The following PTPRD variants were observed in gnomAD, a reference collection of about 807,000 sequenced individuals.
PTPRD encodes protein tyrosine phosphatase receptor type D, also known as receptor-type tyrosine-protein phosphatase delta.
In PTPRD, 34 loss-of-function variants were observed where a neutral mutation model predicts 214.5. The ratio of observed to expected loss-of-function variants is 0.16; its 90% CI spans 0.12 to 0.21. The LOEUF is 0.21. Among genes scored for constraint, PTPRD ranks in the 10% least tolerant of loss-of-function variants. The pLI is 1.00. For synonymous variants in PTPRD, 1,128 were observed against 845.7 expected (o/e 1.33, Z -5.79); for missense variants, 2,545 against 2,398.7 (o/e 1.06, Z -1.27).
intron 11 of PTPRD, among the ~76,000 whole-genome samples, chr9:8,926,627 C>T (rs779367199): frequency 6.6e-6 from 1 of 152,136 alleles, no homozygotes; most frequent in Non-Finnish European, 1.5e-5. Flanking sequence ...ATGGAAAATT[C>T]CCTGATTCTT....
At chr9:9,362,482 G>A (rs1424606020) in intron 9 of PTPRD, among the ~76,000 whole-genome samples, 2 of 151,138 alleles carry the variant, frequency 1.3e-5, no homozygotes, top group Admixed American at 1.3e-4. Context: ...AAATGTATGA[G>A]AGCAAGAATG....
chr9:9,183,026 C>T (rs2099929154), intron 10 of PTPRD, among the ~76,000 whole-genome samples: 1 of 151,872 alleles, frequency 6.6e-6, no homozygotes, highest in Admixed American at 6.6e-5. Context: ...TGTTAGATTT[C>T]CCCCCACGTT....
At position 9,704,880 on chromosome 9, in the gene PTPRD, C is replaced by T. The variant is rs117801877; in HGVS notation, c.-287+29653G>A. ...AACCATCAAGAGATATCTGTTGATG[C>T]CACATGAAACAAAATAATCACTCAA... On this transcript the variant is annotated intron_variant, in intron 7 of 45. Coordinates refer to ENST00000381196, the MANE Select transcript of PTPRD (RefSeq NM_002839.4). Among the ~76,000 whole-genome samples, 947 of 152,248 alleles carry T rather than the reference C, an allele frequency of 6.2e-3. 9 individuals carry two copies. Among genetic ancestry groups the T allele is most frequent in the Non-Finnish European group, 0.011 (733 of 68,018 alleles).
At chr9:8,798,347 A>T (rs9299075) in intron 11 of PTPRD, among the ~76,000 whole-genome samples, 1 of 151,938 alleles carries the variant, frequency 6.6e-6, no homozygotes, top group African/African-American at 2.4e-5. Context: ...ATTTTTTAAC[A>T]GTTTAAATCA....
intron 12 of PTPRD, among the ~76,000 whole-genome samples, chr9:8,676,991 T>C (rs1483632390): frequency 1.3e-5 from 2 of 152,194 alleles, no homozygotes; most frequent in African/African-American, 2.4e-5. Context: ...AAGTGAATAT[T>C]AAGGAAATTA....
intron 3 of PTPRD, among the ~76,000 whole-genome samples, chr9:10,239,122 A>G (rs943357354): frequency 6.6e-6 from 1 of 151,978 alleles, no homozygotes; most frequent in Non-Finnish European, 1.5e-5. Context: ...TTTAAGTTAT[A>G]GACTAAGTTT....
At chr9:9,842,394 C>G (rs2058555675) in intron 5 of PTPRD, among the ~76,000 whole-genome samples, 1 of 131,932 alleles carries the variant, frequency 7.6e-6, no homozygotes, top group Admixed American at 9.1e-5. Flanking sequence ...TCCATTTCAT[C>G]TTTCCTAAGT....
At chr9:9,410,855 G>A (rs997394179) in intron 8 of PTPRD, among the ~76,000 whole-genome samples, 1 of 152,126 alleles carries the variant, frequency 6.6e-6, no homozygotes, top group East Asian at 1.9e-4. Flanking sequence ...AGAAACACAT[G>A]CAGCAGAACT....
chr9:9,025,007 A>C (rs547083397), intron 10 of PTPRD, among the ~76,000 whole-genome samples: 16 of 151,976 alleles, frequency 1.1e-4, no homozygotes, highest in Non-Finnish European at 2.2e-4. Context: ...CCCCATTTTC[A>C]TTCCAATTTG....
At chr9:8,356,784 G>A (rs949194368) in intron 39 of PTPRD, among the ~76,000 whole-genome samples, 3 of 151,892 alleles carry the variant, frequency 2.0e-5, no homozygotes, top group African/African-American at 7.3e-5. Context: ...ACACAGGCAG[G>A]AAAAAAATAA....
chr9:10,051,962 T>C (rs2097543518), intron 3 of PTPRD, among the ~76,000 whole-genome samples: 1 of 152,276 alleles, frequency 6.6e-6, no homozygotes, highest in African/African-American at 2.4e-5. Context: ...TTTTTGTTTT[T>C]GAGACAAGGT....
At chr9:8,559,986 T>C (rs1344550404) in intron 14 of PTPRD, among the ~76,000 whole-genome samples, 2 of 152,202 alleles carry the variant, frequency 1.3e-5, no homozygotes, top group Admixed American at 1.3e-4. Context: ...CCTACTATCT[T>C]CAACTGTATC....
At chr9:9,552,596 T>C (rs1005642368) in intron 8 of PTPRD, among the ~76,000 whole-genome samples, 5 of 152,072 alleles carry the variant, frequency 3.3e-5, no homozygotes, top group African/African-American at 1.2e-4. Context: ...AAACTTCTTC[T>C]GTCTAATGAC....
At chr9:8,330,748 T>C (rs1267307978) in intron 44 of PTPRD, among the ~76,000 whole-genome samples, 3 of 152,112 alleles carry the variant, frequency 2.0e-5, no homozygotes, top group Non-Finnish European at 2.9e-5. Context: ...CCAAGTCTAA[T>C]ATTTGTCCTA....
chr9:8,792,304 C>T (rs1164121115), intron 11 of PTPRD, among the ~76,000 whole-genome samples: 2 of 152,172 alleles, frequency 1.3e-5, no homozygotes, highest in Non-Finnish European at 2.9e-5. Flanking sequence ...CAAAATGAAA[C>T]TGAAAGTCAT....
intron 2 of PTPRD, among the ~76,000 whole-genome samples, chr9:10,482,188 A>T (rs2224583): frequency 6.6e-6 from 1 of 151,546 alleles, no homozygotes; most frequent in Admixed American, 6.6e-5. Context: ...CGGCTAACAC[A>T]GTGAAACCCC....
At chr9:10,576,350 CTGAT>C in intron 2 of PTPRD, among the ~76,000 whole-genome samples, 1 of 152,184 alleles carries the variant, frequency 6.6e-6, no homozygotes, top group African/African-American at 2.4e-5. Context: ...TTTTTAATGG[CTGAT>C]TGTTTAAAAA....
At chr9:10,381,815 C>T (rs1357490866) in intron 2 of PTPRD, among the ~76,000 whole-genome samples, 2 of 151,986 alleles carry the variant, frequency 1.3e-5, no homozygotes, top group African/African-American at 4.8e-5. Context: ...CTTATTATAA[C>T]TGCTAGGTAT....
chr9:9,852,957 C>G (rs2060828740), intron 5 of PTPRD, among the ~76,000 whole-genome samples: 1 of 152,144 alleles, frequency 6.6e-6, no homozygotes, highest in African/African-American at 2.4e-5. Flanking sequence ...GTTCCACAAA[C>G]AAGGTTTTGG....
Sources: allele counts gnomAD v4.1 joint callset (sites outside exome capture counted in the v4.1 genomes callset), GRCh38; gene constraint gnomAD v4.1.1; transcripts MANE v1.5; gene names NCBI Gene and HGNC (gene_info 2026-07-23, HGNC 2026-07-21).